GLG1: variants seen among roughly 807,000 people sequenced by gnomAD.
The protein encoded by GLG1 is Golgi apparatus protein 1.
Under a neutral mutation model 160.5 loss-of-function variants are expected in GLG1, and 38 were observed. The ratio of observed to expected loss-of-function variants is 0.24; its 90% CI spans 0.18 to 0.31. GLG1 has a LOEUF of 0.31. Among genes scored for constraint, GLG1 ranks in the 10% least tolerant of loss-of-function variants. GLG1 has a pLI of 1.00. For missense variants in GLG1, 1,373 were observed against 1,505.2 expected, an observed-to-expected ratio of 0.91 and a Z score of 1.45; for synonymous variants, 644 against 543.4, an observed-to-expected ratio of 1.19 and a Z score of -2.57.
chr16:74,499,365 C>T (rs1349604023), intron 4 of GLG1, among the ~76,000 whole-genome samples: 9 of 152,180 alleles, frequency 5.9e-5, no homozygotes, highest in Non-Finnish European at 1.2e-4. Context: ...CTCAGCCTCC[C>T]AAGCAGCTGG....
At position 74,580,869 on chromosome 16, in the gene GLG1, G is replaced by C. The variant is rs560585001; in HGVS notation, c.438+25788C>G. Among the ~76,000 whole-genome samples the C allele has an allele frequency of 2.0e-5, 3 of 152,286 alleles. No homozygotes were observed. In the South Asian group the frequency reaches 6.2e-4, roughly 32 times the overall value. ...AAGGATCACCTGAGGTCAGGAATTTGAGACCAGCCTGACCAACATGGTGAA... is the reference window on the plus strand; with the variant it reads ...AAGGATCACCTGAGGTCAGGAATTTCAGACCAGCCTGACCAACATGGTGAA... On this transcript the variant is annotated intron_variant, in intron 1 of 25. Transcript: ENST00000422840.
intron 1 of GLG1, among the ~76,000 whole-genome samples, chr16:74,587,201 C>G (rs1179443422): frequency 6.6e-6 from 1 of 152,092 alleles, no homozygotes; most frequent in African/African-American, 2.4e-5. Context: ...AACTATGATC[C>G]CTGAGAGAAG....
At chr16:74,523,903 GA>G (rs2017251517) in intron 2 of GLG1, among the ~76,000 whole-genome samples, 1 of 151,878 alleles carries the variant, frequency 6.6e-6, no homozygotes, top group South Asian at 2.1e-4. Context: ...TGATTCTGCT[GA>G]TAGTGCATTT....
chr16:74,538,540 T>C (rs1378087415), intron 1 of GLG1, among the ~76,000 whole-genome samples: 1 of 152,190 alleles, frequency 6.6e-6, no homozygotes, highest in African/African-American at 2.4e-5. Context: ...AATTTATTTT[T>C]CTTATTTGTA....
chr16:74,565,239 G>A (rs1426590091), intron 1 of GLG1, among the ~76,000 whole-genome samples: 7 of 152,058 alleles, frequency 4.6e-5, no homozygotes, highest in Non-Finnish European at 7.4e-5. Context: ...TGAGACATGA[G>A]AATCACTTGA....
In GLG1 at chr16:74,498,868, CAAAAAAAA is replaced by C. The variant is rs57372225; in HGVS notation, c.775-2232_775-2225del. Among the ~76,000 whole-genome samples the C allele has an allele frequency of 1.6e-3, 122 of 75,832 alleles. 1 individual carries two copies. The highest frequency in any genetic ancestry group is 6.6e-3 in the African/African-American group (119 of 18,090). 49.7% of individuals were successfully genotyped at this position (75,832 alleles called of 152,430 possible). The stretch of plus-strand genomic sequence containing the variant: ...CAACAAGAGTGAACTCCGTCTCAGG[CAAAAAAAA>C]AAAAAAAAAAAAAGATTCCTAAAAC... On this transcript the variant is annotated intron_variant, in intron 4 of 25. Transcript: ENST00000422840.
In GLG1 at chr16:74,486,402, C is replaced by T. The variant is rs769057963; in HGVS notation, c.1450-485G>A. Among the ~76,000 whole-genome samples, 24 of 152,188 alleles carry T rather than the reference C, an allele frequency of 1.6e-4. 1 individual carries two copies. Among genetic ancestry groups the T allele is most frequent in the Non-Finnish European group, 2.6e-4 (18 of 68,036 alleles). ...CTGTGCTTTATTAAAAGCAGATGTGCAATTTCATTTAACTTGCAGAAATAT... is the reference window on the plus strand; with the variant it reads ...CTGTGCTTTATTAAAAGCAGATGTGTAATTTCATTTAACTTGCAGAAATAT... On this transcript the variant is annotated intron_variant, in intron 8 of 25. Coordinates refer to ENST00000422840, the MANE Select transcript of GLG1 (RefSeq NM_001145667.2).
At chr16:74,497,543 T>C (rs1279076226) in intron 4 of GLG1, among the ~76,000 whole-genome samples, 1 of 150,384 alleles carries the variant, frequency 6.6e-6, no homozygotes, top group Non-Finnish European at 1.5e-5. Context: ...GTTCACTCTA[T>C]TCTCCTGCCT....
chr16:74,532,533 A>AT (rs996463660), intron 1 of GLG1, among the ~76,000 whole-genome samples: 6 of 151,764 alleles, frequency 4.0e-5, no homozygotes, highest in African/African-American at 1.2e-4. Context: ...TTTATTTTTT[A>AT]TTTTTTTTGA....
At chr16:74,606,595 G>T in intron 1 of GLG1, 62 bp downstream of exon 1, 1 of 1,411,880 alleles carries the variant, frequency 7.1e-7, no homozygotes, top group South Asian at 1.4e-5. Flanking sequence ...GGCTTCCAAG[G>T]CCGGCAACAC....
chr16:74,474,412 GA>G, intron 13 of GLG1, 133 bp downstream of exon 13: 1 of 651,178 alleles, frequency 1.5e-6, no homozygotes, highest in Non-Finnish European at 2.8e-6. Context: ...AGCAAACATG[GA>G]AAATTTGATC....
At chr16:74,605,027 A>AGAGTGAGACTCCATCTCAAAAAAAACTG in intron 1 of GLG1, among the ~76,000 whole-genome samples, 1 of 152,222 alleles carries the variant, frequency 6.6e-6, no homozygotes, top group Non-Finnish European at 1.5e-5. Flanking sequence ...GCCTGGCGAC[A>AGAGTGAGACTCCATCTCAAAAAAAACTG]GAGTGAGACT....
intron 1 of GLG1, among the ~76,000 whole-genome samples, chr16:74,534,984 G>A (rs1278950980): frequency 6.6e-6 from 1 of 152,156 alleles, no homozygotes; most frequent in African/African-American, 2.4e-5. Flanking sequence ...AAATGTGCCT[G>A]GGTAGTTTGG....
chr16:74,465,636 G>A, intron 19 of GLG1, 40 bp downstream of exon 19: 2 of 1,601,050 alleles, frequency 1.2e-6, no homozygotes, highest in Non-Finnish European at 1.7e-6. Context: ...TTGTTGTTTT[G>A]TTGTTCATCC....
At chr16:74,504,675 T>C (rs1360133013) in intron 3 of GLG1, among the ~76,000 whole-genome samples, 1 of 152,204 alleles carries the variant, frequency 6.6e-6, no homozygotes, top group African/African-American at 2.4e-5. Context: ...ACTTAACCGC[T>C]GTGGTCTGGG....
intron 1 of GLG1, among the ~76,000 whole-genome samples, chr16:74,563,778 G>A (rs1219744771): frequency 6.6e-6 from 1 of 151,646 alleles, no homozygotes; most frequent in African/African-American, 2.4e-5. Context: ...TGTTCCTCAT[G>A]ATATGCTCCA....
At chr16:74,556,794 T>C (rs1428856187) in intron 1 of GLG1, among the ~76,000 whole-genome samples, 3 of 149,574 alleles carry the variant, frequency 2.0e-5, no homozygotes, top group Admixed American at 6.7e-5. Flanking sequence ...AAAATAATAT[T>C]ATTATTACAA....
intron 12 of GLG1, among the ~76,000 whole-genome samples, chr16:74,476,901 A>C (rs2015405522): frequency 6.6e-6 from 1 of 152,228 alleles, no homozygotes; most frequent in Admixed American, 6.5e-5. Context: ...CATGCCCACT[A>C]TTCATGCAGA....
rs185981215 is a variant in GLG1, at chr16:74,523,571, C to G, written c.471+8550G>C. Among the ~76,000 whole-genome samples, 503 of 152,228 alleles carry G rather than the reference C, an allele frequency of 3.3e-3. 2 individuals are homozygous for G. The highest frequency in any genetic ancestry group is 5.2e-3 in the Admixed American group (79 of 15,290). ...CAAGTCTTCCAACTCATGAGCACAA[C>G]TGCTCATTTATTTATTTAAAGGCCT... On this transcript the variant is annotated intron_variant, in intron 2 of 25. Transcript: ENST00000422840.
Sources: gnomAD v4.1 joint callset for allele counts (sites outside exome capture counted in the v4.1 genomes callset) on GRCh38, gnomAD v4.1.1 for gene constraint, MANE v1.5 for transcripts, NCBI Gene and HGNC (gene_info 2026-07-23, HGNC 2026-07-21) for gene names.